Variants in RBPMS observed in about 807,000 individuals in gnomAD.
RBPMS encodes the protein RNA-binding protein with multiple splicing.
A neutral mutation model predicts 26.8 loss-of-function variants in RBPMS; 7 were observed. That is an observed-to-expected ratio of 0.26 (90% CI 0.15 to 0.49). RBPMS has a LOEUF of 0.49. Among genes scored for constraint, RBPMS ranks in the 20% least tolerant of loss-of-function variants. The probability of loss-of-function intolerance (pLI) is 0.98; values close to 1 mark genes in which losing one functional copy is unlikely to be tolerated. For missense variants in RBPMS, 186 were observed against 250.0 expected, an observed-to-expected ratio of 0.74 and a Z score of 1.73; for synonymous variants, 96 against 93.3, an observed-to-expected ratio of 1.03 and a Z score of -0.17.
At chr8:30,393,764 C>T (rs549808360) in intron 1 of RBPMS, among the ~76,000 whole-genome samples, 32 of 152,198 alleles carry the variant, frequency 2.1e-4, no homozygotes, top group Middle Eastern at 3.4e-3. Flanking sequence ...GGTGATCCAC[C>T]CGCCTCGGCC....
chr8:30,494,399 G>A (rs1563373206), intron 4 of RBPMS, among the ~76,000 whole-genome samples: 1 of 152,176 alleles, frequency 6.6e-6, no homozygotes, highest in African/African-American at 2.4e-5. Context: ...GGGCCATAGG[G>A]ATTAGTGTTT....
chr8:30,510,914 G>A (rs904123656), intron 5 of RBPMS, among the ~76,000 whole-genome samples: 4 of 151,926 alleles, frequency 2.6e-5, no homozygotes, highest in African/African-American at 9.7e-5. Flanking sequence ...TAGTTCTTTC[G>A]AAGATAATTC....
intron 8 of RBPMS, 29 bp downstream of exon 8, chr8:30,566,389 C>T: frequency 1.2e-6 from 1 of 804,998 alleles, no homozygotes; most frequent in Non-Finnish European, 1.5e-6. Flanking sequence ...TGAACAAGCC[C>T]TCAGGGGCGG....
chr8:30,522,774 T>C (rs1823195065), intron 5 of RBPMS, among the ~76,000 whole-genome samples: 1 of 152,218 alleles, frequency 6.6e-6, no homozygotes, highest in Non-Finnish European at 1.5e-5. Context: ...TTTTAAAAAA[T>C]AAATACTTAT....
chr8:30,474,610 G>T (rs935322315), intron 1 of RBPMS, among the ~76,000 whole-genome samples, 169 bp from the exon 2 acceptor site: 1 of 152,222 alleles, frequency 6.6e-6, no homozygotes, highest in Non-Finnish European at 1.5e-5. Context: ...AAAAAAAAGT[G>T]TTGGCTTAGT....
chr8:30,558,022 G>A (rs569365418), intron 6 of RBPMS, among the ~76,000 whole-genome samples: 4 of 152,186 alleles, frequency 2.6e-5, no homozygotes, highest in East Asian at 3.9e-4. Flanking sequence ...GCATGCCCAC[G>A]CCCAGCTAAT....
intron 1 of RBPMS, among the ~76,000 whole-genome samples, chr8:30,442,255 T>C (rs1813170520): frequency 1.3e-5 from 2 of 152,188 alleles, no homozygotes; most frequent in Admixed American, 6.5e-5. Context: ...ATGTTCCCTC[T>C]GGTGATACAG....
chr8:30,411,309 A>G (rs1809365230), intron 1 of RBPMS, among the ~76,000 whole-genome samples: 1 of 151,986 alleles, frequency 6.6e-6, no homozygotes, highest in Admixed American at 6.6e-5. Context: ...TCTTCTGGAG[A>G]TTCTGTGGGA....
At chr8:30,497,882 A>G (rs887603134) in intron 4 of RBPMS, among the ~76,000 whole-genome samples, 4 of 151,846 alleles carry the variant, frequency 2.6e-5, no homozygotes, top group African/African-American at 9.7e-5. Context: ...TCGGCCTCCC[A>G]AAGTGCTGGG....
intron 1 of RBPMS, among the ~76,000 whole-genome samples, chr8:30,431,255 T>C (rs1220556852): frequency 6.6e-6 from 1 of 152,114 alleles, no homozygotes; most frequent in Non-Finnish European, 1.5e-5. Flanking sequence ...CAACTCAAAT[T>C]TCATAGGAAA....
intron 5 of RBPMS, among the ~76,000 whole-genome samples, chr8:30,516,828 AG>A (rs1343741066): frequency 6.6e-6 from 1 of 151,584 alleles, no homozygotes; most frequent in African/African-American, 2.4e-5. Context: ...CGGGAATCTA[AG>A]GCTATAGTGT....
intron 3 of RBPMS, among the ~76,000 whole-genome samples, chr8:30,478,071 T>C (rs187339576): frequency 6.6e-6 from 1 of 152,334 alleles, no homozygotes; most frequent in Non-Finnish European, 1.5e-5. Context: ...TACATTGAGA[T>C]TGATTTTGTA....
At chr8:30,508,712 G>T (rs1348142115) in intron 5 of RBPMS, among the ~76,000 whole-genome samples, 1 of 151,766 alleles carries the variant, frequency 6.6e-6, no homozygotes, top group Admixed American at 6.6e-5. Context: ...GTGGAGAGAG[G>T]TGCCCTTCAA....
rs1000780099 is a variant in RBPMS at position 30,571,620 on chromosome 8, T to C, written c.*1095T>C. 1 of 152,270 alleles carries C rather than the reference T, an allele frequency of 6.6e-6. No individual in the cohort carries two copies. Among genetic ancestry groups the C allele is most frequent in the African/African-American group, 2.4e-5 (1 of 41,472 alleles). The allele number at this position is 152,270 out of a possible 1,614,324, so 9.4% of individuals were successfully genotyped here. A position where few individuals can be genotyped will look rare whatever the true frequency, so the allele number is the denominator to read the frequency against. On this transcript the variant is annotated 3_prime_UTR_variant, in exon 9 of 9. Transcript: ENST00000397323. Reference sequence around the variant, plus strand: ...TGGTGTTGCCAACTCTTGGCAGCACTGGGCCAAACCGACCACATACCATGA... The same window carrying C: ...TGGTGTTGCCAACTCTTGGCAGCACCGGGCCAAACCGACCACATACCATGA...
intron 1 of RBPMS, among the ~76,000 whole-genome samples, chr8:30,452,351 G>A (rs1376512510): frequency 6.6e-6 from 1 of 152,154 alleles, no homozygotes; most frequent in Non-Finnish European, 1.5e-5. Context: ...TTACAGAGAA[G>A]GCATCCAAAC....
At chr8:30,491,490 G>A (rs1200034790) in intron 4 of RBPMS, among the ~76,000 whole-genome samples, 1 of 152,044 alleles carries the variant, frequency 6.6e-6, no homozygotes, top group African/African-American at 2.4e-5. Context: ...GGGGGCTGGG[G>A]GGCTGATTGC....
At chr8:30,466,401 T>C (rs1038870021) in intron 1 of RBPMS, among the ~76,000 whole-genome samples, 2 of 151,870 alleles carry the variant, frequency 1.3e-5, no homozygotes, top group African/African-American at 2.4e-5. Context: ...ATAAGATTAA[T>C]TGGATGTTGT....
chr8:30,422,312 G>T (rs972493918), intron 1 of RBPMS, among the ~76,000 whole-genome samples: 2 of 151,758 alleles, frequency 1.3e-5, no homozygotes, highest in African/African-American at 4.8e-5. Context: ...ATAGGGTTTC[G>T]CCAGTTGGCC....
intron 4 of RBPMS, among the ~76,000 whole-genome samples, chr8:30,497,476 A>G (rs528883717): frequency 6.6e-6 from 1 of 152,268 alleles, no homozygotes; most frequent in African/African-American, 2.4e-5. Context: ...CCCCAAAGGC[A>G]GAGAGGTTGT....
Sources: gnomAD v4.1 joint callset for allele counts (sites outside exome capture counted in the v4.1 genomes callset) on GRCh38, gnomAD v4.1.1 for gene constraint, MANE v1.5 for transcripts, NCBI Gene and HGNC (gene_info 2026-07-23, HGNC 2026-07-21) for gene names.